Variants in MGAT5 observed in about 807,000 individuals in gnomAD.
MGAT5 encodes alpha-1,6-mannosylglycoprotein 6-beta-N-acetylglucosaminyltransferase A.
Under a neutral mutation model 94.3 loss-of-function variants are expected in MGAT5, and 30 were observed. That is an observed-to-expected ratio of 0.32 (90% confidence interval 0.24 to 0.43). MGAT5 has a LOEUF of 0.43. Among genes scored for constraint, MGAT5 ranks in the 20% least tolerant of loss-of-function variants. The pLI, the probability that MGAT5 is intolerant of heterozygous loss-of-function variation, is 1.00. For synonymous variants in MGAT5, 310 were observed against 322.9 expected (o/e 0.96, Z 0.43); for missense variants, 691 against 905.5 (o/e 0.76, Z 3.04).
At chr2:134,143,614 G>T (rs113700495) in intron 1 of MGAT5, among the ~76,000 whole-genome samples, 25 of 152,328 alleles carry the variant, frequency 1.6e-4, no homozygotes, top group African/African-American at 5.3e-4. Flanking sequence ...TCAGGCAGGC[G>T]CCTGGAAATA....
intron 13 of MGAT5, among the ~76,000 whole-genome samples, chr2:134,427,786 T>C (rs528784704): frequency 6.6e-6 from 1 of 152,360 alleles, no homozygotes; most frequent in South Asian, 2.1e-4. Flanking sequence ...TGACACTTTA[T>C]AACTTTATTT....
intron 6 of MGAT5, among the ~76,000 whole-genome samples, chr2:134,339,587 G>A (rs1688517286): frequency 6.6e-6 from 1 of 152,066 alleles, no homozygotes; most frequent in Non-Finnish European, 1.5e-5. Context: ...GAATTTTACT[G>A]CAATAAGGAA....
intron 2 of MGAT5, among the ~76,000 whole-genome samples, chr2:134,314,950 C>G (rs1686913400): frequency 6.6e-6 from 1 of 152,176 alleles, no homozygotes; most frequent in African/African-American, 2.4e-5. Context: ...GCTGCTTTTT[C>G]ATGACAACAG....
chr2:134,442,798 A>G (rs908937575), intron 15 of MGAT5, among the ~76,000 whole-genome samples: 1 of 152,174 alleles, frequency 6.6e-6, no homozygotes, highest in Non-Finnish European at 1.5e-5. Context: ...TTGCATAATT[A>G]TCTAGCCTCC....
intron 11 of MGAT5, among the ~76,000 whole-genome samples, chr2:134,411,959 C>T (rs1194690023): frequency 6.6e-6 from 1 of 152,220 alleles, no homozygotes; most frequent in Admixed American, 6.5e-5. Flanking sequence ...GAGGACACAG[C>T]TTCGTCAAGC....
intron 2 of MGAT5, among the ~76,000 whole-genome samples, chr2:134,278,214 A>C (rs1684495170): frequency 6.6e-6 from 1 of 152,188 alleles, no homozygotes; most frequent in Non-Finnish European, 1.5e-5. Context: ...TAAGAAGAAA[A>C]TACAGTTCAG....
intron 1 of MGAT5, among the ~76,000 whole-genome samples, chr2:134,143,047 A>G: frequency 6.6e-6 from 1 of 152,142 alleles, no homozygotes; most frequent in East Asian, 1.9e-4. Context: ...GCCCTCCTCA[A>G]GGAGGCTGGG....
intron 2 of MGAT5, among the ~76,000 whole-genome samples, chr2:134,277,931 G>C (rs1279419578): frequency 2.6e-5 from 4 of 152,118 alleles, no homozygotes; most frequent in African/African-American, 4.8e-5. Flanking sequence ...CGAAATTCAT[G>C]TTTTGTCAAT....
chr2:134,149,410 C>T (rs1040507056), intron 1 of MGAT5, among the ~76,000 whole-genome samples: 9 of 137,914 alleles, frequency 6.5e-5, no homozygotes, highest in African/African-American at 2.6e-4. Flanking sequence ...TGATAGAAAG[C>T]AAGGGTGAGT....
intron 1 of MGAT5, among the ~76,000 whole-genome samples, chr2:134,259,522 T>G (rs1214470676): frequency 1.3e-5 from 2 of 152,230 alleles, no homozygotes; most frequent in Admixed American, 1.3e-4. Context: ...CCCTGGCTTC[T>G]CTGGGCTGGG....
chr2:134,331,395 T>G (rs1687963089), intron 4 of MGAT5, among the ~76,000 whole-genome samples: 1 of 152,254 alleles, frequency 6.6e-6, no homozygotes, highest in African/African-American at 2.4e-5. Context: ...AAAAGATTAG[T>G]TCATGTCAGA....
rs10526028 is a variant in MGAT5 at position 134,369,727 on chromosome 2, TTGTGTGTGTGTG to T, written c.1380+7338_1380+7349del. ...TGGTGATAGCTTTATGGTTTTTACA[TTGTGTGTGTGTG>T]TGTGTGTGTGTGTGTGTGAATGACA... is the stretch of plus-strand genomic sequence containing the variant. On this transcript the variant is annotated intron_variant, in intron 10 of 15. Transcript: ENST00000281923. 1.6e-4 allele frequency among the ~76,000 whole-genome samples: 23 copies of T among 142,286 alleles called. No homozygotes were observed. In the East Asian group the frequency reaches 3.6e-3, roughly 22 times the overall value. The allele number at this position is 142,286 out of a possible 152,430, so 93.3% of individuals were successfully genotyped here. A position where few individuals can be genotyped will look rare whatever the true frequency, so the allele number is the denominator to read the frequency against.
At chr2:134,390,651 A>C (rs1179023121) in intron 10 of MGAT5, among the ~76,000 whole-genome samples, 1 of 152,214 alleles carries the variant, frequency 6.6e-6, no homozygotes, top group Middle Eastern at 3.2e-3. Context: ...TCCTATGTCT[A>C]CTGTTATTTT....
intron 14 of MGAT5, among the ~76,000 whole-genome samples, chr2:134,441,264 T>C (rs528575416): frequency 2.0e-5 from 3 of 151,776 alleles, no homozygotes; most frequent in East Asian, 3.9e-4. Context: ...GCCATTGAGA[T>C]AAAAGTAGCG....
chr2:134,427,045 A>G (rs556338783), intron 13 of MGAT5, among the ~76,000 whole-genome samples: 68 of 152,270 alleles, frequency 4.5e-4, no homozygotes, highest in South Asian at 8.3e-4. Flanking sequence ...GAAGATTTCA[A>G]TGTAATGTGT....
intron 1 of MGAT5, among the ~76,000 whole-genome samples, chr2:134,214,930 T>A (rs1247515498): frequency 6.6e-6 from 1 of 152,170 alleles, no homozygotes; most frequent in African/African-American, 2.4e-5. Flanking sequence ...ATTCTCAGCC[T>A]TCAGAAGCCC....
chr2:134,237,148 T>TGTGTGTGTGTGCGC (rs374914892), intron 1 of MGAT5, among the ~76,000 whole-genome samples: 1,682 of 140,792 alleles, frequency 0.012, 29 homozygotes, highest in African/African-American at 0.042. Context: ...TGTGTGTGTG[T>TGTGTGTGTGTGCGC]GCGCGTGTGT....
intron 1 of MGAT5, among the ~76,000 whole-genome samples, chr2:134,216,384 G>A (rs190811626): frequency 2.6e-5 from 4 of 152,272 alleles, no homozygotes; most frequent in Admixed American, 6.5e-5. Flanking sequence ...GTTGTGATCC[G>A]ATATACTTCC....
At chr2:134,283,839 C>T (rs1479703211) in intron 2 of MGAT5, among the ~76,000 whole-genome samples, 2 of 151,636 alleles carry the variant, frequency 1.3e-5, no homozygotes, top group Non-Finnish European at 2.9e-5. Context: ...GCTGGGTTCT[C>T]TTTCTGTGAT....
Sources: gnomAD v4.1 joint callset for allele counts (sites outside exome capture counted in the v4.1 genomes callset) on GRCh38, gnomAD v4.1.1 for gene constraint, MANE v1.5 for transcripts, NCBI Gene and HGNC (gene_info 2026-07-23, HGNC 2026-07-21) for gene names.